The following PTPRG variants were observed in gnomAD, a reference collection of about 807,000 sequenced individuals.
The protein encoded by PTPRG is receptor-type tyrosine-protein phosphatase gamma.
In PTPRG, 102 loss-of-function variants were observed where a neutral mutation model predicts 165.3. The observed-to-expected ratio is 0.62, with a 90% CI of 0.53 to 0.73. The LOEUF is 0.73. Among genes scored for constraint, PTPRG ranks in the 30% least tolerant of loss-of-function variants. The probability of loss-of-function intolerance (pLI) is 0.00; values close to 1 mark genes in which losing one functional copy is unlikely to be tolerated. For synonymous variants in PTPRG, 675 were observed against 669.5 expected, an observed-to-expected ratio of 1.01 and a Z score of -0.13; for missense variants, 1,866 against 1,861.4, an observed-to-expected ratio of 1.00 and a Z score of -0.05.
chr3:61,770,721 T>C (rs951438174), intron 2 of PTPRG: 7 of 152,338 alleles, frequency 4.6e-5, no homozygotes, highest in African/African-American at 1.7e-4. Flanking sequence ...TAGAATTTTA[T>C]CTAGGATTTT....
chr3:61,573,736 T>G (rs1031611756), intron 1 of PTPRG, among the ~76,000 whole-genome samples: 1 of 152,214 alleles, frequency 6.6e-6, no homozygotes, highest in Admixed American at 6.5e-5. Context: ...TTCAAATGAT[T>G]ATAGGATGTT....
intron 14 of PTPRG, among the ~76,000 whole-genome samples, chr3:62,236,124 C>T (rs1701028540): frequency 6.6e-6 from 1 of 152,140 alleles, no homozygotes; most frequent in Non-Finnish European, 1.5e-5. Context: ...CTTAACATGC[C>T]ATAAAAGAAA....
chr3:61,973,673 A>T (rs1434742938), intron 2 of PTPRG, among the ~76,000 whole-genome samples: 2 of 152,016 alleles, frequency 1.3e-5, no homozygotes, highest in Non-Finnish European at 2.9e-5. Flanking sequence ...CTCTACTAAA[A>T]ATATGAAAAT....
intron 2 of PTPRG, among the ~76,000 whole-genome samples, chr3:61,937,962 A>T (rs182465256): frequency 4.3e-4 from 65 of 151,284 alleles, no homozygotes; most frequent in Admixed American, 9.9e-4. Context: ...CCCTTCAGTG[A>T]ATTATCTTAG....
chr3:61,624,324 C>T (rs1701545787), intron 1 of PTPRG, among the ~76,000 whole-genome samples: 1 of 152,100 alleles, frequency 6.6e-6, no homozygotes, highest in South Asian at 2.1e-4. Context: ...GGCAATGAAC[C>T]CAACTAAAAA....
chr3:61,673,129 T>G (rs1703092135), intron 1 of PTPRG, among the ~76,000 whole-genome samples: 2 of 152,236 alleles, frequency 1.3e-5, no homozygotes, highest in South Asian at 4.2e-4. Context: ...GCACCTGCAC[T>G]CCAGCCTAGG....
chr3:61,585,426 T>TG (rs1700411015), intron 1 of PTPRG, among the ~76,000 whole-genome samples: 1 of 151,956 alleles, frequency 6.6e-6, no homozygotes, highest in African/African-American at 2.4e-5. Context: ...CTATAGCCAT[T>TG]GGGTGGGTTG....
intron 1 of PTPRG, among the ~76,000 whole-genome samples, chr3:61,698,912 C>A (rs541346116): frequency 6.6e-6 from 1 of 151,948 alleles, no homozygotes. Flanking sequence ...AGCAAACTAT[C>A]GCAAGGACAA....
At chr3:62,164,558 C>T (rs1704896117) in intron 7 of PTPRG, among the ~76,000 whole-genome samples, 1 of 152,176 alleles carries the variant, frequency 6.6e-6, no homozygotes, top group Non-Finnish European at 1.5e-5. Flanking sequence ...CAACTGTGAT[C>T]CAGTTGACAA....
intron 4 of PTPRG, among the ~76,000 whole-genome samples, chr3:62,065,721 G>A (rs1220076277): frequency 6.6e-6 from 1 of 152,172 alleles, no homozygotes; most frequent in African/African-American, 2.4e-5. Flanking sequence ...CCTCCCAGTG[G>A]GAGAGGTCAT....
intron 20 of PTPRG, among the ~76,000 whole-genome samples, chr3:62,270,175 C>A (rs192335448): frequency 6.9e-4 from 105 of 151,656 alleles, no homozygotes; most frequent in Admixed American, 2.3e-3. Context: ...CAGTTGTTTG[C>A]AGCAATGGGA....
At chr3:62,083,994 A>G (rs1030707574) in intron 5 of PTPRG, among the ~76,000 whole-genome samples, 53 of 152,218 alleles carry the variant, frequency 3.5e-4, no homozygotes, top group Admixed American at 3.4e-3. Context: ...TTGTCATATG[A>G]ATGCTTGAAA....
rs777373171 is a variant in PTPRG, at chr3:62,218,943, G to A, written c.2248G>A (p.Val750Met). ...GATTGTGGTATCAGCCTTGACCTTC[G>A]TGTGCCTCATCCTTCTCATTGCTGT... ...PLIVVSALTF[V>M]CLILLIAVLV... Residue 750 changes from valine (V) to methionine (M), a missense_variant, in exon 13 of 30, where the codon GTG (valine) becomes ATG (methionine). Around this residue, in one of 3 missense-constraint regions of PTPRG, gnomAD observed 1,452 missense variants for 1,463.0 expected, o/e 0.99. Transcript: ENST00000474889. 15 of 1,613,922 alleles carry A rather than the reference G, an allele frequency of 9.3e-6. No homozygotes were observed. The highest frequency in any genetic ancestry group is 3.3e-5 in the Admixed American group (2 of 59,996).
Position 61,847,456 on chromosome 3 carries a change from T to G in PTPRG, c.190+98474T>G, listed in dbSNP as rs532079451. Among the ~76,000 whole-genome samples the G allele has an allele frequency of 4.1e-4, 63 of 152,296 alleles. 1 individual carries two copies. The highest frequency in any genetic ancestry group is 3.4e-3 in the Middle Eastern group (1 of 294). ...GAGCTGTGAGACAACAACTGTTGTT[T>G]TAGGCACCCAGTTTGTGGTGTGTTG... On this transcript the variant is annotated intron_variant, in intron 2 of 29. Transcript: ENST00000474889.
At chr3:61,581,732 C>T (rs1370213665) in intron 1 of PTPRG, among the ~76,000 whole-genome samples, 1 of 151,592 alleles carries the variant, frequency 6.6e-6, no homozygotes, top group African/African-American at 2.4e-5. Context: ...GCCTCAGTCT[C>T]CCAAGTAGCT....
At chr3:62,277,439 T>C in intron 25 of PTPRG, 112 bp from the exon 26 acceptor site, 1 of 1,219,002 alleles carries the variant, frequency 8.2e-7, no homozygotes, top group Non-Finnish European at 1.1e-6. Flanking sequence ...CTTTCTCAAT[T>C]ATTTTAGTGT....
intron 1 of PTPRG, among the ~76,000 whole-genome samples, chr3:61,694,583 A>G (rs190457151): frequency 6.6e-6 from 1 of 152,204 alleles, no homozygotes; most frequent in Non-Finnish European, 1.5e-5. Flanking sequence ...AAAACTGCAT[A>G]TCTCTACCAA....
intron 5 of PTPRG, among the ~76,000 whole-genome samples, chr3:62,101,751 T>G (rs1014996930): frequency 6.6e-6 from 1 of 152,234 alleles, no homozygotes; most frequent in Non-Finnish European, 1.5e-5. Context: ...TCTTCTCCTG[T>G]GAACCACTTC....
chr3:62,076,512 T>C (rs1701391370), intron 4 of PTPRG, among the ~76,000 whole-genome samples: 1 of 151,924 alleles, frequency 6.6e-6, no homozygotes, highest in Non-Finnish European at 1.5e-5. Flanking sequence ...GTTTGTTTGT[T>C]TGTTTGTTTG....
Sources: allele counts gnomAD v4.1 joint callset (sites outside exome capture counted in the v4.1 genomes callset), GRCh38; gene constraint gnomAD v4.1.1; regional missense constraint gnomAD v4.1.1; transcripts MANE v1.5; gene names NCBI Gene and HGNC (gene_info 2026-07-23, HGNC 2026-07-21).